PTCHD4: variants seen among roughly 807,000 people sequenced by gnomAD.
PTCHD4 encodes the protein patched domain-containing protein 4.
Under a neutral mutation model 58.1 loss-of-function variants are expected in PTCHD4, and 33 were observed. The observed-to-expected ratio is 0.57, with a 90% CI of 0.43 to 0.76. The LOEUF (loss-of-function observed/expected upper bound fraction) is 0.76. Among genes scored for constraint, PTCHD4 ranks in the 30% least tolerant of loss-of-function variants. The pLI, the probability that PTCHD4 is intolerant of heterozygous loss-of-function variation, is 0.00. For synonymous variants in PTCHD4, 478 were observed against 409.6 expected (o/e 1.17, Z -2.02); for missense variants, 1,058 against 1,027.1 (o/e 1.03, Z -0.41).
At chr6:47,951,891 C>A (rs762700477) in intron 4 of PTCHD4, among the ~76,000 whole-genome samples, 12 of 151,620 alleles carry the variant, frequency 7.9e-5, no homozygotes, top group Non-Finnish European at 1.3e-4. Context: ...ATATAACATA[C>A]CAAGATAATA....
intron 4 of PTCHD4, chr6:47,901,337 A>G: frequency 1.7e-6 from 1 of 604,788 alleles, no homozygotes; most frequent in Non-Finnish European, 2.1e-6. Context: ...GTCTGGTTTT[A>G]GTATCAGGGT....
intron 4 of PTCHD4, among the ~76,000 whole-genome samples, chr6:47,939,950 T>C (rs1406101099): frequency 6.6e-6 from 1 of 152,056 alleles, no homozygotes; most frequent in Non-Finnish European, 1.5e-5. Flanking sequence ...TTACTTGAAA[T>C]TTTAAGATCT....
chr6:47,908,770 A>T (rs115284307), intron 4 of PTCHD4, among the ~76,000 whole-genome samples: 41 of 152,298 alleles, frequency 2.7e-4, no homozygotes, highest in African/African-American at 9.4e-4. Context: ...TTATGCCATG[A>T]CTATAAATTC....
At chr6:47,925,110 A>C (rs1256870880) in intron 4 of PTCHD4, among the ~76,000 whole-genome samples, 1 of 150,266 alleles carries the variant, frequency 6.7e-6, no homozygotes, top group African/African-American at 2.4e-5. Context: ...ATATATACAT[A>C]TGTATACATT....
At chr6:47,943,537 G>A (rs144012996) in intron 4 of PTCHD4, among the ~76,000 whole-genome samples, 1 of 152,236 alleles carries the variant, frequency 6.6e-6, no homozygotes, top group Admixed American at 6.5e-5. Flanking sequence ...GTCAATTACA[G>A]TGCTTTAAGT....
Position 48,098,318 on chromosome 6 carries a change from TTTC to T in PTCHD4, c.-970+12728_-970+12730del, listed in dbSNP as rs374977976. Among the ~76,000 whole-genome samples the T allele has an allele frequency of 4.5e-3, 635 of 142,650 alleles. 6 individuals are homozygous for T. Among genetic ancestry groups the T allele is most frequent in the African/African-American group, 9.3e-3 (358 of 38,390 alleles). The allele number at this position is 142,650 out of a possible 152,430, so 93.6% of individuals were successfully genotyped here. On this transcript the variant is annotated intron_variant, in intron 1 of 4. Coordinates refer to ENST00000339488, the MANE Select transcript of PTCHD4 (RefSeq NM_001384253.1). Reference sequence around the variant, plus strand: ...GAAAAGTAACTGGAATTTCTTTTCTTTTCTTCTTCTTCTTCTTCTTCTTCTTTT... The same window carrying T: ...GAAAAGTAACTGGAATTTCTTTTCTTTTCTTCTTCTTCTTCTTCTTCTTTT...
chr6:47,954,834 T>C (rs1766792105), intron 4 of PTCHD4, among the ~76,000 whole-genome samples: 1 of 152,102 alleles, frequency 6.6e-6, no homozygotes, highest in South Asian at 2.1e-4. Context: ...TGATTCAAAG[T>C]ATAGAATGCA....
At chr6:48,101,738 T>C (rs1197982753) in intron 1 of PTCHD4, among the ~76,000 whole-genome samples, 1 of 152,210 alleles carries the variant, frequency 6.6e-6, no homozygotes, top group African/African-American at 2.4e-5. Context: ...ATTTCAGGCA[T>C]ATCCCCCTTT....
rs1478592457 is a variant in PTCHD4, at chr6:47,858,987, C to A, written c.*19316G>T. Among the ~76,000 whole-genome samples the A allele has an allele frequency of 6.6e-6, 1 of 151,998 alleles. No homozygotes were observed. The highest frequency in any genetic ancestry group is 1.5e-5 in the Non-Finnish European group (1 of 67,966). On this transcript the variant is annotated 3_prime_UTR_variant, in exon 5 of 5. Transcript: ENST00000339488. ...CTGTTTTTGAGACTAATCAATGAAT[C>A]ATTAATGTGAGCTTGGAAACAGCAG...
rs1763767313 is a variant in PTCHD4, at chr6:47,873,359, C to G, written c.*4944G>C. ...CTTGATTTCTGAGATGTGGGCTCAT[C>G]TCTCAATATCCTTCCAGTGTCATTT... On this transcript the variant is annotated 3_prime_UTR_variant, in exon 5 of 5. Coordinates refer to ENST00000339488, the MANE Select transcript of PTCHD4 (RefSeq NM_001384253.1). 6.6e-6 allele frequency among the ~76,000 whole-genome samples: 1 copy of G among 151,664 alleles called. No homozygotes were observed. Among genetic ancestry groups the G allele is most frequent in the Non-Finnish European group, 1.5e-5 (1 of 67,742 alleles).
chr6:48,071,904 T>C (rs1373961454), intron 1 of PTCHD4, among the ~76,000 whole-genome samples: 3 of 152,190 alleles, frequency 2.0e-5, no homozygotes, highest in Non-Finnish European at 4.4e-5. Flanking sequence ...TTGTCTGATG[T>C]TTTTCTCATG....
intron 1 of PTCHD4, among the ~76,000 whole-genome samples, chr6:48,087,906 A>G (rs1765292403): frequency 6.6e-6 from 1 of 152,208 alleles, no homozygotes; most frequent in Non-Finnish European, 1.5e-5. Flanking sequence ...AAGCAGTTAG[A>G]TTTTAGTTAA....
chr6:47,945,606 T>C (rs1459430458), intron 4 of PTCHD4, among the ~76,000 whole-genome samples: 2 of 152,044 alleles, frequency 1.3e-5, no homozygotes, highest in Middle Eastern at 3.2e-3. Context: ...TGATTTTCTT[T>C]TGTGCAAAAG....
At chr6:48,078,417 TTAAA>T (rs891245643) in intron 1 of PTCHD4, among the ~76,000 whole-genome samples, 4 of 152,212 alleles carry the variant, frequency 2.6e-5, no homozygotes, top group Non-Finnish European at 4.4e-5. Context: ...GGACTGAAGA[TTAAA>T]TACTGCCTGC....
chr6:47,968,495 A>G (rs946260702), intron 4 of PTCHD4, among the ~76,000 whole-genome samples: 1 of 152,206 alleles, frequency 6.6e-6, no homozygotes, highest in South Asian at 2.1e-4. Flanking sequence ...AGTTGTCACA[A>G]ACCAGTCTGT....
intron 3 of PTCHD4, among the ~76,000 whole-genome samples, chr6:48,059,523 C>G (rs1167364125): frequency 6.6e-6 from 1 of 152,052 alleles, no homozygotes; most frequent in Admixed American, 6.5e-5. Context: ...CCTGCCGTCA[C>G]AGCTACTCGG....
At position 48,043,109 on chromosome 6, in the gene PTCHD4, AAC is replaced by A. The variant is rs536302098; in HGVS notation, c.417+25119_417+25120del. ...CATTAGAGCTGGGAGAAATGAGAGA[AAC>A]ACAGTGCATTTGAAAAAGGCTCAAA... On this transcript the variant is annotated intron_variant, in intron 3 of 4. Coordinates refer to ENST00000339488, the MANE Select transcript of PTCHD4 (RefSeq NM_001384253.1). 6.4e-4 allele frequency among the ~76,000 whole-genome samples: 98 copies of A among 152,046 alleles called. 2 individuals carry two copies. Among genetic ancestry groups the A allele is most frequent in the African/African-American group, 2.2e-3 (92 of 41,554 alleles).
chr6:47,943,614 C>A (rs1428897311), intron 4 of PTCHD4, among the ~76,000 whole-genome samples: 1 of 152,064 alleles, frequency 6.6e-6, no homozygotes, highest in African/African-American at 2.4e-5. Context: ...CCAAATCCCC[C>A]CTGCTGCTTG....
chr6:48,076,432 A>C (rs1404142072), intron 1 of PTCHD4, among the ~76,000 whole-genome samples: 1 of 152,192 alleles, frequency 6.6e-6, no homozygotes, highest in Non-Finnish European at 1.5e-5. Context: ...TTCTTTTCAG[A>C]AGGTTTTCAG....
Sources: allele counts gnomAD v4.1 joint callset (sites outside exome capture counted in the v4.1 genomes callset), GRCh38; gene constraint gnomAD v4.1.1; transcripts MANE v1.5; gene names NCBI Gene and HGNC (gene_info 2026-07-23, HGNC 2026-07-21).